The following MAP1LC3A variants were observed in gnomAD, a reference collection of about 807,000 sequenced individuals.
The protein encoded by MAP1LC3A is microtubule associated protein 1 light chain 3 alpha.
Under a neutral mutation model 15.2 loss-of-function variants are expected in MAP1LC3A, and 10 were observed. That is an observed-to-expected ratio of 0.66 (90% CI 0.41 to 1.12). The LOEUF (loss-of-function observed/expected upper bound fraction) is 1.12. MAP1LC3A is among the 50% of genes most tolerant of loss of function. The probability of loss-of-function intolerance (pLI) is 0.00; values close to 1 mark genes in which losing one functional copy is unlikely to be tolerated. For missense variants in MAP1LC3A, 138 were observed against 167.3 expected (o/e 0.82, Z 0.97); for synonymous variants, 63 against 64.3 (o/e 0.98, Z 0.10).
intron 1 of MAP1LC3A, among the ~76,000 whole-genome samples, chr20:34,549,146 T>C (rs1192082725): frequency 6.6e-6 from 1 of 152,158 alleles, no homozygotes; most frequent in Non-Finnish European, 1.5e-5. Context: ...CTGCCTCAGC[T>C]TCCCAAGTAG....
At chr20:34,552,115 A>G (rs1046834970) in intron 2 of MAP1LC3A, among the ~76,000 whole-genome samples, 2 of 151,894 alleles carry the variant, frequency 1.3e-5, no homozygotes, top group Admixed American at 1.3e-4. Flanking sequence ...CTCCTGCCTC[A>G]GCCTCCCCAG....
chr20:34,557,533 C>A (rs139577510), upstream of MAP1LC3A, among the ~76,000 whole-genome samples: 63 of 152,302 alleles, frequency 4.1e-4, 2 homozygotes, highest in East Asian at 7.5e-3. Context: ...ATATTAAATG[C>A]TTGTTTAGAT....
Position 34,559,801 on chromosome 20 carries a change from G to C in MAP1LC3A, c.269G>C (p.Ser90Thr). The C allele has an allele frequency of 6.2e-7, 1 of 1,613,954 alleles. No individual in the cohort carries two copies. Among genetic ancestry groups the C allele is most frequent in the Non-Finnish European group, 8.5e-7 (1 of 1,179,996 alleles). The change falls in exon 4 of 4, where the codon AGT becomes ACT. Residue 90 changes from serine to threonine, a missense_variant. Ser to Thr is a moderately conservative substitution (Grantham distance 58). Coordinates refer to ENST00000360668, the MANE Select transcript of MAP1LC3A (RefSeq NM_032514.4). ...CTGGTGAACCAGCACAGCATGGTGA[G>C]TGTGTCCACGCCCATCGCGGACATC... ...FLLVNQHSMV[S>T]VSTPIADIYE... is the part of the protein sequence containing the mutation.
Position 34,550,030 on chromosome 20 carries a change from G to A in MAP1LC3A, c.52+1G>A, listed in dbSNP as rs1250531802. The A allele has an allele frequency of 6.2e-7, 1 of 1,614,146 alleles. No homozygotes were observed. The highest frequency in any genetic ancestry group is 8.5e-7 in the Non-Finnish European group (1 of 1,179,998). On this transcript the variant is annotated splice_donor_variant, in intron 2 of 4. Transcript: ENST00000374837. LOFTEE classifies it high-confidence loss of function. ...TGTGGAAAAGCAGCTGTGGACCCAG[G>A]TCTGTCTGGCCCGCCTGCCGTTGTG...
intron 1 of MAP1LC3A, chr20:34,546,977 C>T (rs1981756836): frequency 6.6e-6 from 1 of 152,330 alleles, no homozygotes; most frequent in African/African-American, 2.4e-5. Flanking sequence ...CGGAGCAAGT[C>T]CATGGGGCGT....
At chr20:34,555,116 G>A (rs1982104097), upstream of MAP1LC3A, among the ~76,000 whole-genome samples, 1 of 150,954 alleles carries the variant, frequency 6.6e-6, no homozygotes, top group South Asian at 2.1e-4. Context: ...GGGACTATAG[G>A]TGTGTGCCAC....
intron 1 of MAP1LC3A, among the ~76,000 whole-genome samples, chr20:34,548,360 G>A (rs998729232): frequency 5.9e-5 from 9 of 152,192 alleles, no homozygotes; most frequent in African/African-American, 2.2e-4. Flanking sequence ...AGGCCGCGGG[G>A]AGCCAACCTC....
upstream of MAP1LC3A, chr20:34,558,557 G>T: frequency 2.6e-6 from 3 of 1,167,180 alleles, no homozygotes; most frequent in Non-Finnish European, 3.2e-6. This position sits in a 1 kb window ranked among gnomAD's most constrained non-coding sequence, Gnocchi z 4.3. Flanking sequence ...GACGTCACGG[G>T]ACTGTGACGC....
chr20:34,549,957 G>T, exon 2 of MAP1LC3A: 1 of 1,613,648 alleles, frequency 6.2e-7, no homozygotes, highest in South Asian at 1.1e-5. Flanking sequence ...AGGTAGTTCT[G>T]ACACTGTCTC....
At chr20:34,551,748 G>A (rs1319036995) in intron 2 of MAP1LC3A, among the ~76,000 whole-genome samples, 1 of 151,684 alleles carries the variant, frequency 6.6e-6, no homozygotes, top group African/African-American at 2.4e-5. Flanking sequence ...ACAGGCGTGA[G>A]CCACCGCGCC....
At position 34,549,946 on chromosome 20, in the gene MAP1LC3A, G is replaced by C. The variant is rs757639938; in HGVS notation, c.-32G>C. ...AGTTGCTGACTGACCCTCCACCTCAGAGGTAGTTCTGACACTGTCTCAGTT... is the reference window on the plus strand; with the variant it reads ...AGTTGCTGACTGACCCTCCACCTCACAGGTAGTTCTGACACTGTCTCAGTT... On this transcript the variant is annotated 5_prime_UTR_variant, in exon 2 of 5. Coordinates refer to the MAP1LC3A transcript ENST00000374837. The C allele has an allele frequency of 7.5e-6, 12 of 1,610,546 alleles. No homozygotes were observed. In the South Asian group the frequency reaches 1.2e-4, roughly 16 times the overall value.
At chr20:34,547,323 C>G (rs537399422) in intron 1 of MAP1LC3A, among the ~76,000 whole-genome samples, 7 of 149,520 alleles carry the variant, frequency 4.7e-5, no homozygotes, top group Non-Finnish European at 7.4e-5. Context: ...GCTGTGGAGT[C>G]TGTGCTGGGT....
chr20:34,555,800 AACC>A (rs1170821971), upstream of MAP1LC3A, among the ~76,000 whole-genome samples: 2 of 151,184 alleles, frequency 1.3e-5, no homozygotes, highest in African/African-American at 4.9e-5. Flanking sequence ...TACAGGTATG[AACC>A]ACCACACCTG....
chr20:34,553,057 C>T (rs748811343), intron 2 of MAP1LC3A, among the ~76,000 whole-genome samples: 2 of 152,012 alleles, frequency 1.3e-5, no homozygotes, highest in African/African-American at 4.8e-5. Context: ...GGCATGGTGA[C>T]GGGTGCCTGT....
intron 2 of MAP1LC3A, among the ~76,000 whole-genome samples, chr20:34,553,162 C>T (rs577262816): frequency 6.6e-6 from 1 of 152,186 alleles, no homozygotes; most frequent in African/African-American, 2.4e-5. Context: ...GCACTCCCTA[C>T]CTAGGTGACG....
chr20:34,557,309 C>T (rs1419718552), upstream of MAP1LC3A, among the ~76,000 whole-genome samples: 1 of 152,170 alleles, frequency 6.6e-6, no homozygotes, highest in African/African-American at 2.4e-5. Flanking sequence ...TAATACCCAT[C>T]ACTACCCTTT....
upstream of MAP1LC3A, among the ~76,000 whole-genome samples, chr20:34,556,619 C>CA (rs1366544302): frequency 6.7e-6 from 1 of 148,156 alleles, no homozygotes; most frequent in Admixed American, 6.8e-5. Flanking sequence ...TTTTTCGAGA[C>CA]AGAGTCTCAC....
At chr20:34,551,467 C>CTTTTTTTTTTTTTTTTTT (rs58191574) in intron 2 of MAP1LC3A, among the ~76,000 whole-genome samples, 2 of 104,812 alleles carry the variant, frequency 1.9e-5, no homozygotes, top group African/African-American at 3.8e-5. Context: ...GAACGCTGTC[C>CTTTTTTTTTTTTTTTTTT]TTTTTTTTTT....
chr20:34,559,825 T>C lies in MAP1LC3A; in HGVS notation c.293T>C (p.Ile98Thr). ...MVSVSTPIAD[I>T]YEQEKDEDGF... ...AGTGTGTCCACGCCCATCGCGGACATCTACGAGCAGGAGAAAGACGAGGAC... is the reference window on the plus strand; with the variant it reads ...AGTGTGTCCACGCCCATCGCGGACACCTACGAGCAGGAGAAAGACGAGGAC... The change falls in exon 4 of 4, where the codon ATC becomes ACC. Residue 98 changes from isoleucine (I) to threonine (T), a missense_variant. Coordinates refer to ENST00000360668, the MANE Select transcript of MAP1LC3A (RefSeq NM_032514.4). 1.2e-6 allele frequency: 2 copies of C among 1,613,404 alleles called. No individual in the cohort carries two copies. The highest frequency in any genetic ancestry group is 1.1e-5 in the South Asian group (1 of 91,046).
Sources: allele counts gnomAD v4.1 joint callset (sites outside exome capture counted in the v4.1 genomes callset), GRCh38; gene constraint gnomAD v4.1.1; non-coding constraint Gnocchi (gnomAD v3.1); transcripts MANE v1.5; gene names NCBI Gene and HGNC (gene_info 2026-07-23, HGNC 2026-07-21).